The following EPB41 variants were observed in gnomAD, a reference collection of about 807,000 sequenced individuals.
The protein encoded by EPB41 is erythrocyte membrane protein band 4.1.
A neutral mutation model predicts 108.0 loss-of-function variants in EPB41; 65 were observed. The observed-to-expected ratio is 0.60, with a 90% CI of 0.49 to 0.74. The LOEUF (loss-of-function observed/expected upper bound fraction) is 0.74. EPB41 is among the 30% of genes least tolerant of loss of function. The pLI is 0.00. For missense variants in EPB41, 875 were observed against 1,037.0 expected (o/e 0.84, Z 2.15); for synonymous variants, 336 against 358.9 (o/e 0.94, Z 0.72).
chr1:29,067,664 TA>T (rs11398608), intron 16 of EPB41, among the ~76,000 whole-genome samples: 32 of 134,408 alleles, frequency 2.4e-4, no homozygotes, highest in Non-Finnish European at 2.6e-4. Flanking sequence ...GACTCCGTCT[TA>T]AAAAAAAAAA....
At chr1:28,921,314 G>A (rs1195208611) in intron 1 of EPB41, among the ~76,000 whole-genome samples, 1 of 152,118 alleles carries the variant, frequency 6.6e-6, no homozygotes, top group East Asian at 1.9e-4. Flanking sequence ...TAGATGCCAA[G>A]CACATATTTT....
rs368648725 is a variant in EPB41 at position 28,987,430 on chromosome 1, G to A, written c.-7-1G>A. The A allele has an allele frequency of 1.9e-6, 3 of 1,613,580 alleles. No homozygotes were observed. Among genetic ancestry groups the A allele is most frequent in the Non-Finnish European group, 2.5e-6 (3 of 1,179,630 alleles). On this transcript the variant is annotated splice_acceptor_variant, in intron 1 of 20. Transcript: ENST00000343067. LOFTEE classifies it low-confidence loss of function (5UTR_SPLICE). The stretch of plus-strand genomic sequence containing the variant: ...CCCCTTTTCTATCTTCTTTTTAATA[G>A]CAACATCATGACAACAGAGAAGAGT...
chr1:29,034,756 T>C (rs565973437), intron 9 of EPB41, among the ~76,000 whole-genome samples: 1 of 152,248 alleles, frequency 6.6e-6, no homozygotes, highest in East Asian at 1.9e-4. Flanking sequence ...TATTTAATGA[T>C]TCAAGAATCT....
chr1:29,066,347 A>G (rs1647788374), intron 16 of EPB41, among the ~76,000 whole-genome samples: 2 of 151,714 alleles, frequency 1.3e-5, no homozygotes, highest in Admixed American at 1.3e-4. Context: ...TGAACCTGGG[A>G]GGCGGAGATT....
Position 29,115,712 on chromosome 1 carries a change from C to G in EPB41, c.2510C>G (p.Ala837Gly). The G allele has an allele frequency of 1.2e-6, 2 of 1,613,916 alleles. No homozygotes were observed. Among genetic ancestry groups the G allele is most frequent in the Non-Finnish European group, 1.7e-6 (2 of 1,179,896 alleles). Residue 837 changes from alanine to glycine, a missense_variant, in exon 20 of 21, where the codon GCC (alanine) becomes GGC (glycine). Physicochemically the swap from Ala to Gly is moderately conservative, Grantham distance 60. Around this residue, in one of 3 missense-constraint regions of EPB41, gnomAD observed 519 missense variants for 627.3 expected, o/e 0.83. Transcript: ENST00000343067. The surrounding 1 kb of genome is among the most constrained non-coding windows in gnomAD (Gnocchi z 4.4). ...TGTCTTTTGTAGGTCCTTGTACAAG[C>G]CATCAAGGAGGCAAAGGAGCAGCAC... ...DIDHDQVLVQ[A>G]IKEAKEQHPD...
chr1:29,048,024 T>C (rs1201228578), intron 11 of EPB41, among the ~76,000 whole-genome samples: 1 of 152,030 alleles, frequency 6.6e-6, no homozygotes, highest in African/African-American at 2.4e-5. Context: ...CCTCAAGTAA[T>C]CTACCTGCTT....
chr1:28,994,721 C>A (rs2096122215), intron 3 of EPB41, among the ~76,000 whole-genome samples: 1 of 150,316 alleles, frequency 6.7e-6, no homozygotes, highest in Non-Finnish European at 1.5e-5. Context: ...TGCAGTGGCG[C>A]AGTGACAGCT....
intron 16 of EPB41, 109 bp downstream of exon 16, chr1:29,065,267 T>C: frequency 7.0e-7 from 1 of 1,427,708 alleles, no homozygotes; most frequent in South Asian, 1.7e-5. Flanking sequence ...TTGGATTTGG[T>C]GCCTCACTAT....
intron 4 of EPB41, among the ~76,000 whole-genome samples, chr1:28,999,451 T>A (rs1176300759): frequency 6.6e-6 from 1 of 152,198 alleles, no homozygotes; most frequent in Non-Finnish European, 1.5e-5. Flanking sequence ...GTGAGATAAT[T>A]TTGATTCCCA....
chr1:28,954,752 C>T (rs975568496), intron 1 of EPB41, among the ~76,000 whole-genome samples: 6 of 152,160 alleles, frequency 3.9e-5, no homozygotes, highest in African/African-American at 1.4e-4. Context: ...AGTTCAAAAG[C>T]ACATTCCCTA....
chr1:28,929,861 TTTTTTTA>T, intron 1 of EPB41, among the ~76,000 whole-genome samples: 1 of 148,866 alleles, frequency 6.7e-6, no homozygotes. Context: ...TTTTTTTTTT[TTTTTTTA>T]AAGACTTTAT....
chr1:29,033,934 A>G (rs956286016), intron 9 of EPB41, among the ~76,000 whole-genome samples: 2 of 152,168 alleles, frequency 1.3e-5, no homozygotes, highest in Non-Finnish European at 2.9e-5. Context: ...GCAGGATAAT[A>G]CCTTCTCCAT....
rs941317692 is a variant in EPB41, at chr1:29,008,232, C to G, written c.787-3633C>G. On this transcript the variant is annotated intron_variant, in intron 4 of 20. Coordinates refer to ENST00000343067, the MANE Select transcript of EPB41 (RefSeq NM_001376013.1). ...AACCCTCATCATGAGCCCATCCTTC[C>G]CCTACATCCCATTTACTTAGTCACA... is the stretch of plus-strand genomic sequence containing the variant. 2.6e-5 allele frequency among the ~76,000 whole-genome samples: 4 copies of G among 152,148 alleles called. No individual in the cohort carries two copies. In the East Asian group the frequency reaches 7.7e-4, roughly 29 times the overall value.
chr1:29,036,254 A>ATT (rs71022387), intron 10 of EPB41, among the ~76,000 whole-genome samples: 2,826 of 106,298 alleles, frequency 0.027, 102 homozygotes, highest in Middle Eastern at 0.094. Flanking sequence ...TCCACGTGTG[A>ATT]TTTTTTTTTT....
chr1:29,056,191 GC>G (rs1359169319), intron 12 of EPB41, among the ~76,000 whole-genome samples: 1 of 147,436 alleles, frequency 6.8e-6, no homozygotes, highest in Non-Finnish European at 1.5e-5. Context: ...CCGAGATCGC[GC>G]CGCTGCACTC....
intron 1 of EPB41, among the ~76,000 whole-genome samples, chr1:28,937,606 G>A (rs1204517174): frequency 6.6e-6 from 1 of 152,152 alleles, no homozygotes; most frequent in Non-Finnish European, 1.5e-5. Context: ...TGTTGGCCAG[G>A]CTGGTCTTTA....
At chr1:28,903,174 A>C (rs780564164) in intron 1 of EPB41, among the ~76,000 whole-genome samples, 3 of 152,194 alleles carry the variant, frequency 2.0e-5, no homozygotes, top group Non-Finnish European at 2.9e-5. Flanking sequence ...TATGATAATG[A>C]CCATCATGGA....
chr1:29,112,359 T>C lies in EPB41; in HGVS notation c.2416-9T>C, dbSNP rs1047945478. On this transcript the variant is annotated splice_polypyrimidine_tract_variant and intron_variant, in intron 18 of 20. Transcript: ENST00000343067. ...CTGATCTCATATGACATCTTCTCTT[T>C]GGTTCCAGACTGTAAAAGGTGGGAT... 1.2e-6 allele frequency: 2 copies of C among 1,610,714 alleles called. No individual in the cohort carries two copies. Among genetic ancestry groups the C allele is most frequent in the African/African-American group, 2.7e-5 (2 of 74,762 alleles).
At chr1:29,056,242 A>C (rs559676909) in intron 12 of EPB41, among the ~76,000 whole-genome samples, 31 of 151,754 alleles carry the variant, frequency 2.0e-4, no homozygotes, top group Admixed American at 3.9e-4. Context: ...TCAAAAAAAA[A>C]AAAAACAAAA....
Sources: allele counts gnomAD v4.1 joint callset (sites outside exome capture counted in the v4.1 genomes callset), GRCh38; gene constraint gnomAD v4.1.1; regional missense constraint gnomAD v4.1.1; non-coding constraint Gnocchi (gnomAD v3.1); transcripts MANE v1.5; gene names NCBI Gene and HGNC (gene_info 2026-07-23, HGNC 2026-07-21).